Variants in ARHGAP42 observed in about 807,000 individuals in gnomAD.
ARHGAP42 encodes the protein rho GTPase-activating protein 42.
Under a neutral mutation model 125.0 loss-of-function variants are expected in ARHGAP42, and 63 were observed. The ratio of observed to expected loss-of-function variants is 0.50; its 90% CI spans 0.41 to 0.62. ARHGAP42 has a LOEUF of 0.62. Ranked by LOEUF, ARHGAP42 falls within the 20% of genes least tolerant of loss-of-function variation. The pLI is 0.00. For synonymous variants in ARHGAP42, 339 were observed against 351.0 expected (o/e 0.97, Z 0.38); for missense variants, 766 against 1,024.2 (o/e 0.75, Z 3.44).
intron 1 of ARHGAP42, among the ~76,000 whole-genome samples, chr11:100,692,292 T>C (rs1216230049): frequency 6.6e-6 from 1 of 152,238 alleles, no homozygotes; most frequent in Non-Finnish European, 1.5e-5. Context: ...TACACAAGCA[T>C]GGAACTATAA....
chr11:100,904,490 A>T (rs1442702032), intron 4 of ARHGAP42, among the ~76,000 whole-genome samples: 1 of 151,620 alleles, frequency 6.6e-6, no homozygotes, highest in Non-Finnish European at 1.5e-5. Flanking sequence ...CAGATGATCC[A>T]CCCGCCTCGG....
At chr11:100,755,146 G>A (rs537502326) in intron 1 of ARHGAP42, among the ~76,000 whole-genome samples, 1 of 152,352 alleles carries the variant, frequency 6.6e-6, no homozygotes, top group South Asian at 2.1e-4. Context: ...CTACGGGTTA[G>A]TGATAAATGC....
chr11:100,856,544 A>G (rs1450720837), intron 3 of ARHGAP42, among the ~76,000 whole-genome samples: 1 of 152,074 alleles, frequency 6.6e-6, no homozygotes, highest in Non-Finnish European at 1.5e-5. Flanking sequence ...TTAAATTTAC[A>G]TATTGTGAAC....
At chr11:100,713,093 A>C (rs1301524528) in intron 1 of ARHGAP42, among the ~76,000 whole-genome samples, 2 of 152,226 alleles carry the variant, frequency 1.3e-5, no homozygotes, top group Admixed American at 6.5e-5. Flanking sequence ...ATTAAGACAT[A>C]ACTAGTATTA....
intron 3 of ARHGAP42, among the ~76,000 whole-genome samples, chr11:100,802,535 G>T (rs112217567): frequency 3.7e-4 from 55 of 149,858 alleles, no homozygotes; most frequent in African/African-American, 1.3e-3. Flanking sequence ...AGTGATTTTC[G>T]TGCCTCAGCC....
At chr11:100,908,241 T>C (rs1374469334) in intron 4 of ARHGAP42, among the ~76,000 whole-genome samples, 1 of 152,234 alleles carries the variant, frequency 6.6e-6, no homozygotes, top group Non-Finnish European at 1.5e-5. Flanking sequence ...TTAAGTGTGG[T>C]AAAGTTTGTT....
At chr11:100,789,400 G>A (rs1413239647) in intron 2 of ARHGAP42, among the ~76,000 whole-genome samples, 1 of 152,228 alleles carries the variant, frequency 6.6e-6, no homozygotes, top group Non-Finnish European at 1.5e-5. Context: ...ACCGAGGGGA[G>A]TGGGTGGATG....
intron 17 of ARHGAP42, among the ~76,000 whole-genome samples, chr11:100,968,932 T>C (rs2135310360): frequency 2.9e-5 from 1 of 34,054 alleles, no homozygotes. Context: ...CTGGGTGTTT[T>C]TTTGTTTTTT....
chr11:100,895,914 A>G (rs945408825), intron 4 of ARHGAP42, among the ~76,000 whole-genome samples: 1 of 152,088 alleles, frequency 6.6e-6, no homozygotes, highest in African/African-American at 2.4e-5. Context: ...ATAGGTATAC[A>G]TGTGCCATGT....
intron 1 of ARHGAP42, among the ~76,000 whole-genome samples, chr11:100,732,607 A>G (rs2120310356): frequency 6.6e-6 from 1 of 152,306 alleles, no homozygotes; most frequent in East Asian, 1.9e-4. Context: ...TCTAAAGCAC[A>G]ACACAGGAAA....
intron 17 of ARHGAP42, among the ~76,000 whole-genome samples, chr11:100,966,967 A>G (rs1858111471): frequency 6.6e-6 from 1 of 152,212 alleles, no homozygotes; most frequent in South Asian, 2.1e-4. Flanking sequence ...AACCCAATTT[A>G]TGCTTATTTG....
chr11:100,782,884 A>G (rs1319027429), intron 2 of ARHGAP42, among the ~76,000 whole-genome samples: 1 of 152,216 alleles, frequency 6.6e-6, no homozygotes, highest in African/African-American at 2.4e-5. Context: ...TTACAGATCT[A>G]ATTGAAATAT....
At chr11:100,737,616 G>A (rs995527912) in intron 1 of ARHGAP42, among the ~76,000 whole-genome samples, 2 of 152,060 alleles carry the variant, frequency 1.3e-5, no homozygotes, top group African/African-American at 2.4e-5. Flanking sequence ...TGAGATAGAG[G>A]TGTCTTGGTT....
chr11:100,921,510 A>G lies in ARHGAP42; in HGVS notation c.503A>G (p.Asp168Gly). The stretch of plus-strand genomic sequence containing the variant: ...TCTCTTTAGGCAGATACACAAATTG[A>G]CCGAGAACATCAGAACTTCTATGAA... ...SHLQEADTQI[D>G]REHQNFYEAS... The change falls in exon 6 of 24, where the codon GAC (aspartate) becomes GGC (glycine). Residue 168 changes from aspartate (D) to glycine (G), a missense_variant. By Grantham distance (94) the Asp-to-Gly change is moderately conservative (BLOSUM62 -1). Around this residue, in one of 3 missense-constraint regions of ARHGAP42, gnomAD observed 455 missense variants for 636.5 expected, o/e 0.71. Coordinates refer to ENST00000298815, the MANE Select transcript of ARHGAP42 (RefSeq NM_152432.4). The G allele has an allele frequency of 6.5e-7, 1 of 1,546,410 alleles. No homozygotes were observed.
At chr11:100,957,536 G>A (rs1305169332) in intron 12 of ARHGAP42, among the ~76,000 whole-genome samples, 2 of 152,134 alleles carry the variant, frequency 1.3e-5, no homozygotes, top group African/African-American at 2.4e-5. Flanking sequence ...ACAAAGCTGT[G>A]CACTAACTCT....
chr11:100,879,604 C>T (rs1445961113), intron 4 of ARHGAP42, among the ~76,000 whole-genome samples: 2 of 151,980 alleles, frequency 1.3e-5, no homozygotes, highest in Non-Finnish European at 2.9e-5. Context: ...TTTTCTGGTT[C>T]CTCTTCCGAC....
At chr11:100,859,811 A>G (rs114387514) in intron 4 of ARHGAP42, 186 bp downstream of exon 4, 127 of 447,124 alleles carry the variant, frequency 2.8e-4, no homozygotes, top group African/African-American at 2.0e-3. Flanking sequence ...TTATTATTCT[A>G]CTGAGTAGAT....
At chr11:100,869,463 G>A (rs10488786) in intron 4 of ARHGAP42, among the ~76,000 whole-genome samples, 10,621 of 147,064 alleles carry the variant, frequency 0.072, 514 homozygotes, top group East Asian at 0.25. Flanking sequence ...CAACGTCCTT[G>A]TGAGGTATCA....
At chr11:100,978,220 G>A (rs139264895) in intron 21 of ARHGAP42, among the ~76,000 whole-genome samples, 24 of 152,252 alleles carry the variant, frequency 1.6e-4, no homozygotes, top group African/African-American at 5.8e-4. Context: ...AATGATTAAA[G>A]TGTGTGTTCT....
Sources: allele counts gnomAD v4.1 joint callset (sites outside exome capture counted in the v4.1 genomes callset), GRCh38; gene constraint gnomAD v4.1.1; regional missense constraint gnomAD v4.1.1; transcripts MANE v1.5; gene names NCBI Gene and HGNC (gene_info 2026-07-23, HGNC 2026-07-21).